GRM8: variants seen among roughly 807,000 people sequenced by gnomAD.
The protein encoded by GRM8 is glutamate metabotropic receptor 8.
GRM8 carries 47 observed loss-of-function variants against 87.2 expected under a neutral mutation model. That is an observed-to-expected ratio of 0.54 (90% CI 0.43 to 0.69). The LOEUF (loss-of-function observed/expected upper bound fraction) is 0.69, where lower values mean the gene tolerates loss of function less well. GRM8 is among the 30% of genes least tolerant of loss of function. The probability of loss-of-function intolerance (pLI) is 0.00; values close to 1 mark genes in which losing one functional copy is unlikely to be tolerated. For missense variants in GRM8, 1,019 were observed against 1,139.2 expected (o/e 0.89, Z 1.52); for synonymous variants, 396 against 404.5 (o/e 0.98, Z 0.25).
At chr7:126,846,605 A>G (rs1796729880) in intron 6 of GRM8, among the ~76,000 whole-genome samples, 1 of 152,222 alleles carries the variant, frequency 6.6e-6, no homozygotes, top group African/African-American at 2.4e-5. Context: ...CATAGCTGAT[A>G]TTCAAAAAAT....
intron 3 of GRM8, among the ~76,000 whole-genome samples, chr7:126,963,571 T>C (rs1809530976): frequency 6.6e-6 from 1 of 152,094 alleles, no homozygotes; most frequent in Non-Finnish European, 1.5e-5. Context: ...CATTCACAAT[T>C]GCTACAAAGA....
At chr7:126,862,644 A>T (rs1439388692) in intron 6 of GRM8, among the ~76,000 whole-genome samples, 1 of 152,060 alleles carries the variant, frequency 6.6e-6, no homozygotes, top group Non-Finnish European at 1.5e-5. Flanking sequence ...AATGCTTTAA[A>T]TTATAATATT....
intron 3 of GRM8, among the ~76,000 whole-genome samples, chr7:127,031,731 T>C (rs1052973888): frequency 1.3e-5 from 2 of 152,164 alleles, no homozygotes; most frequent in African/African-American, 2.4e-5. Context: ...CTAAAAACTA[T>C]CCTAACATCA....
intron 8 of GRM8, among the ~76,000 whole-genome samples, chr7:126,579,282 G>A (rs1250245602): frequency 1.3e-5 from 2 of 152,140 alleles, no homozygotes; most frequent in African/African-American, 2.4e-5. Context: ...GTGACTTTTT[G>A]TGACTGGTAT....
intron 6 of GRM8, among the ~76,000 whole-genome samples, chr7:126,886,115 C>T (rs893891940): frequency 2.0e-5 from 3 of 152,062 alleles, no homozygotes; most frequent in African/African-American, 7.2e-5. Context: ...ATTGTAAAAA[C>T]AAAGCAGGTG....
chr7:126,559,504 G>A (rs1793482857), intron 8 of GRM8, among the ~76,000 whole-genome samples: 1 of 152,168 alleles, frequency 6.6e-6, no homozygotes, highest in Non-Finnish European at 1.5e-5. Context: ...TAGTTGGTAA[G>A]CTGTTAGCGC....
chr7:127,211,307 A>G (rs1395492183), intron 2 of GRM8, among the ~76,000 whole-genome samples: 3 of 152,212 alleles, frequency 2.0e-5, no homozygotes, highest in Non-Finnish European at 4.4e-5. Flanking sequence ...CAAAAGCTGA[A>G]GAAGTTGGAG....
chr7:126,768,938 A>AACAAACAAAAAAT (rs371172804), intron 7 of GRM8, among the ~76,000 whole-genome samples: 4 of 148,064 alleles, frequency 2.7e-5, no homozygotes, highest in Non-Finnish European at 6.0e-5. Context: ...AAAAAAAAAA[A>AACAAACAAAAAAT]AAATAAAGAA....
intron 2 of GRM8, among the ~76,000 whole-genome samples, chr7:127,199,389 G>T (rs3808119): frequency 0.19 from 29,439 of 152,250 alleles, 3,202 homozygotes; most frequent in Non-Finnish European, 0.25. Context: ...GTTGGTCCTA[G>T]TGCAAGTTTA....
intron 3 of GRM8, among the ~76,000 whole-genome samples, chr7:127,072,009 C>A (rs1156652): frequency 6.6e-6 from 1 of 151,692 alleles, no homozygotes. Flanking sequence ...CTCTCCATTC[C>A]CTTTGATTGC....
chr7:126,635,852 A>G (rs1351122037), intron 7 of GRM8, among the ~76,000 whole-genome samples: 3 of 152,166 alleles, frequency 2.0e-5, no homozygotes, highest in Non-Finnish European at 4.4e-5. Context: ...AATTTATGAG[A>G]TAATAAATTT....
chr7:126,911,350 C>T (rs1803272334), intron 3 of GRM8, among the ~76,000 whole-genome samples: 1 of 151,876 alleles, frequency 6.6e-6, no homozygotes, highest in South Asian at 2.1e-4. Flanking sequence ...AGTTCCTACC[C>T]CCAAGAATTA....
intron 6 of GRM8, among the ~76,000 whole-genome samples, chr7:126,872,558 T>C (rs1429931652): frequency 6.6e-6 from 1 of 152,192 alleles, no homozygotes; most frequent in Non-Finnish European, 1.5e-5. Flanking sequence ...TGGTACAGTG[T>C]TTTTAAAGTA....
At chr7:126,539,891 A>G (rs1482443140) in intron 8 of GRM8, among the ~76,000 whole-genome samples, 1 of 152,078 alleles carries the variant, frequency 6.6e-6, no homozygotes, top group Non-Finnish European at 1.5e-5. Context: ...TGTGTTAGGC[A>G]GTGTTTTTTA....
intron 3 of GRM8, among the ~76,000 whole-genome samples, chr7:127,066,004 A>G (rs1286685772): frequency 7.9e-5 from 12 of 152,260 alleles, no homozygotes; most frequent in Admixed American, 5.2e-4. Context: ...GATGTATTAA[A>G]AAGAATAATT....
At chr7:126,491,049 T>G (rs927626322) in intron 9 of GRM8, among the ~76,000 whole-genome samples, 3 of 152,092 alleles carry the variant, frequency 2.0e-5, no homozygotes, top group Non-Finnish European at 2.9e-5. Flanking sequence ...TTCTATATGA[T>G]GTACCATTGG....
intron 2 of GRM8, among the ~76,000 whole-genome samples, chr7:127,119,478 CCTGT>C (rs1338514088): frequency 5.8e-5 from 8 of 138,762 alleles, no homozygotes; most frequent in Non-Finnish European, 1.3e-4. Context: ...AGAGCGAGAT[CCTGT>C]CTCTCTCTCT....
At chr7:127,108,603 G>A (rs1188979563) in intron 2 of GRM8, among the ~76,000 whole-genome samples, 1 of 152,218 alleles carries the variant, frequency 6.6e-6, no homozygotes, top group East Asian at 1.9e-4. Context: ...CTATAATAAT[G>A]AGCCACCCTT....
rs1818656287 is a variant in GRM8 at position 126,769,969 on chromosome 7, T to C, written c.1253A>G (p.Asn418Ser). 6.2e-7 allele frequency: 1 copy of C among 1,612,352 alleles called. No homozygotes were observed. Among genetic ancestry groups the C allele is most frequent in the Non-Finnish European group, 8.5e-7 (1 of 1,178,622 alleles). ...TCCAGGGCAGAGATCTTTGTGCATA[T>C]TGTGCAGGGCGTAAGCCATGGAATA... ...AVYSMAYALHNMHKDLCPGYI... is the reference protein window; with the variant it reads ...AVYSMAYALHSMHKDLCPGYI... Residue 418 changes from asparagine (N) to serine (S), a missense_variant, in exon 7 of 11, where the codon AAT becomes AGT. Transcript: ENST00000339582.
Sources: gnomAD v4.1 joint callset for allele counts (sites outside exome capture counted in the v4.1 genomes callset) on GRCh38, gnomAD v4.1.1 for gene constraint, MANE v1.5 for transcripts, NCBI Gene and HGNC (gene_info 2026-07-23, HGNC 2026-07-21) for gene names.